PRR16: variants seen among roughly 807,000 people sequenced by gnomAD.
The protein encoded by PRR16 is proline rich 16.
PRR16 carries 6 observed loss-of-function variants against 18.2 expected under a neutral mutation model. The ratio of observed to expected loss-of-function variants is 0.33; its 90% CI spans 0.18 to 0.65. The LOEUF (loss-of-function observed/expected upper bound fraction) is 0.65, where lower values mean the gene tolerates loss of function less well. Among genes scored for constraint, PRR16 ranks in the 30% least tolerant of loss-of-function variants. PRR16 has a pLI of 0.74. For synonymous variants in PRR16, 151 were observed against 147.8 expected (o/e 1.02, Z -0.16); for missense variants, 412 against 376.6 (o/e 1.09, Z -0.78).
chr5:120,745,209 C>T, the PRR16 span, among the ~76,000 whole-genome samples: 12 of 149,942 alleles, frequency 8.0e-5, no homozygotes, highest in African/African-American at 3.0e-4. Context: ...CTTACTACCC[C>T]AGAAATCTCT....
At chr5:120,737,095 T>G in the PRR16 span, among the ~76,000 whole-genome samples, 1 of 152,164 alleles carries the variant, frequency 6.6e-6, no homozygotes, top group Non-Finnish European at 1.5e-5. Flanking sequence ...ACAATTTGGA[T>G]TCCTTTTACT....
At chr5:120,758,732 C>T in the PRR16 span, among the ~76,000 whole-genome samples, 1 of 152,048 alleles carries the variant, frequency 6.6e-6, no homozygotes, top group African/African-American at 2.4e-5. Context: ...GAGACCTCCC[C>T]AGCCATGCAG....
At chr5:120,766,297 G>A in the PRR16 span, among the ~76,000 whole-genome samples, 1 of 151,916 alleles carries the variant, frequency 6.6e-6, no homozygotes, top group Non-Finnish European at 1.5e-5. Context: ...CTATTCTAGA[G>A]TATGTAGTGG....
chr5:120,552,725 A>G (rs926460658), intron 1 of PRR16, among the ~76,000 whole-genome samples: 3 of 151,914 alleles, frequency 2.0e-5, no homozygotes, highest in African/African-American at 7.2e-5. Context: ...CAATTTTCTA[A>G]GCTTATGCAA....
At chr5:120,489,504 G>A (rs1749944629) in intron 1 of PRR16, among the ~76,000 whole-genome samples, 1 of 152,052 alleles carries the variant, frequency 6.6e-6, no homozygotes, top group Non-Finnish European at 1.5e-5. Flanking sequence ...CCATTTGCTT[G>A]GTAGACCTTC....
chr5:120,465,953 C>T (rs1306986399), intron 1 of PRR16, among the ~76,000 whole-genome samples: 1 of 152,130 alleles, frequency 6.6e-6, no homozygotes, highest in African/African-American at 2.4e-5. Context: ...TCCCCCGTTA[C>T]CTCTATGAAC....
chr5:120,735,280 G>C, the PRR16 span, among the ~76,000 whole-genome samples: 1 of 152,120 alleles, frequency 6.6e-6, no homozygotes, highest in Non-Finnish European at 1.5e-5. Flanking sequence ...CATGTGTGTT[G>C]CTTCCACCTC....
chr5:120,526,090 A>G (rs1380964425), intron 1 of PRR16, among the ~76,000 whole-genome samples: 1 of 152,146 alleles, frequency 6.6e-6, no homozygotes. Context: ...AAGTTTACCT[A>G]TGGTATGAGC....
At chr5:120,498,708 C>T (rs1202308516) in intron 1 of PRR16, among the ~76,000 whole-genome samples, 1 of 151,594 alleles carries the variant, frequency 6.6e-6, no homozygotes, top group Non-Finnish European at 1.5e-5. Flanking sequence ...CGTCTAGTGA[C>T]CAGTTCTCTT....
chr5:120,694,668 G>A, the PRR16 span, among the ~76,000 whole-genome samples: 127 of 139,746 alleles, frequency 9.1e-4, no homozygotes, highest in Non-Finnish European at 1.6e-3. Flanking sequence ...CTGGGCGACA[G>A]CGAGACTCCG....
At chr5:120,536,016 C>T (rs1485354376) in intron 1 of PRR16, among the ~76,000 whole-genome samples, 3 of 152,062 alleles carry the variant, frequency 2.0e-5, no homozygotes, top group East Asian at 1.9e-4. Flanking sequence ...AGACCTTTGC[C>T]GAATTTCACC....
At chr5:120,740,964 A>G in the PRR16 span, among the ~76,000 whole-genome samples, 1 of 152,056 alleles carries the variant, frequency 6.6e-6, no homozygotes, top group African/African-American at 2.4e-5. Flanking sequence ...GAGCACAATT[A>G]ATTTTCCTAT....
At chr5:120,689,018 A>G (rs1297175886), downstream of PRR16, among the ~76,000 whole-genome samples, 3 of 152,162 alleles carry the variant, frequency 2.0e-5, no homozygotes, top group Non-Finnish European at 4.4e-5. Flanking sequence ...TCAACACATA[A>G]ATAACTAACT....
At chr5:120,754,008 TATATA>T in the PRR16 span, among the ~76,000 whole-genome samples, 18 of 129,638 alleles carry the variant, frequency 1.4e-4, no homozygotes, top group Non-Finnish European at 2.9e-4. Flanking sequence ...ATATATATAT[TATATA>T]ATATATAAAA....
rs575908601 is a variant in PRR16, at chr5:120,568,736, AT to A, written c.159+104099del. Among the ~76,000 whole-genome samples the A allele has an allele frequency of 3.6e-3, 554 of 152,092 alleles. 1 individual carries two copies. The highest frequency in any genetic ancestry group is 0.012 in the African/African-American group (515 of 41,498). On this transcript the variant is annotated intron_variant, in intron 1 of 1. Coordinates refer to ENST00000407149, the MANE Select transcript of PRR16 (RefSeq NM_001300783.2). Reference sequence around the variant, plus strand: ...AATTATAACTTATACATCAACACAAATTTTTTTTAAGTGATTCAGATGCTTT... The same window carrying A: ...AATTATAACTTATACATCAACACAAATTTTTTTAAGTGATTCAGATGCTTT...
At chr5:120,512,790 G>C (rs1406048759) in intron 1 of PRR16, among the ~76,000 whole-genome samples, 1 of 152,094 alleles carries the variant, frequency 6.6e-6, no homozygotes, top group Non-Finnish European at 1.5e-5. Flanking sequence ...CAAAGTGAGA[G>C]TATAGAAGCT....
At chr5:120,693,860 C>A in the PRR16 span, among the ~76,000 whole-genome samples, 2 of 152,246 alleles carry the variant, frequency 1.3e-5, no homozygotes, top group African/African-American at 2.4e-5. Context: ...ATATGTATTA[C>A]CCCTGCTTAA....
At chr5:120,767,505 A>G in the PRR16 span, among the ~76,000 whole-genome samples, 6,593 of 151,926 alleles carry the variant, frequency 0.043, 190 homozygotes, top group South Asian at 0.078. Context: ...AGGGTTACAA[A>G]TGCAGCATTA....
At chr5:120,771,010 T>G in the PRR16 span, among the ~76,000 whole-genome samples, 2 of 146,330 alleles carry the variant, frequency 1.4e-5, no homozygotes, top group Non-Finnish European at 3.1e-5. Flanking sequence ...CTATCTTTAT[T>G]ATTGGATTTG....
Sources: gnomAD v4.1 joint callset for allele counts (sites outside exome capture counted in the v4.1 genomes callset) on GRCh38, gnomAD v4.1.1 for gene constraint, MANE v1.5 for transcripts, NCBI Gene and HGNC (gene_info 2026-07-23, HGNC 2026-07-21) for gene names.